Variants in KAZN observed in about 807,000 individuals in gnomAD.
The protein encoded by KAZN is kazrin.
KAZN carries 40 observed loss-of-function variants against 87.4 expected under a neutral mutation model. The ratio of observed to expected loss-of-function variants is 0.46; its 90% confidence interval spans 0.36 to 0.60. KAZN has a LOEUF of 0.60. KAZN is among the 20% of genes least tolerant of loss of function. The pLI is 0.00. For missense variants in KAZN, 898 were observed against 1,073.9 expected (o/e 0.84, Z 2.29); for synonymous variants, 466 against 458.3 (o/e 1.02, Z -0.22).
chr1:14,271,382 G>A (rs1651914750), intron 2 of KAZN, among the ~76,000 whole-genome samples: 1 of 152,214 alleles, frequency 6.6e-6, no homozygotes, highest in African/African-American at 2.4e-5. Flanking sequence ...CTGTGAAGAA[G>A]TCTCTTAGCT....
intron 1 of KAZN, among the ~76,000 whole-genome samples, chr1:14,007,368 G>A (rs906884029): frequency 5.9e-5 from 9 of 152,024 alleles, no homozygotes; most frequent in Non-Finnish European, 1.3e-4. Flanking sequence ...GTACTTTCAA[G>A]TACTATGTTG....
At chr1:14,502,275 C>G (rs1199290833) in intron 2 of KAZN, among the ~76,000 whole-genome samples, 1 of 152,118 alleles carries the variant, frequency 6.6e-6, no homozygotes, top group African/African-American at 2.4e-5. Context: ...TCTTTCCAGA[C>G]TGAAGAGTCT....
Position 15,066,315 on chromosome 1 carries a change from GTCT to G in KAZN, c.1222+563_1222+565del. 1 of 985,972 alleles carries G rather than the reference GTCT, an allele frequency of 1.0e-6. No homozygotes were observed. The highest frequency in any genetic ancestry group is 1.2e-6 in the Non-Finnish European group (1 of 830,372). The allele number at this position is 985,972 out of a possible 1,614,324, so 61.1% of individuals were successfully genotyped here. On this transcript the variant is annotated intron_variant, in intron 8 of 14. Coordinates refer to ENST00000376030, the MANE Select transcript of KAZN (RefSeq NM_201628.3). The surrounding 1 kb of genome is among the most constrained non-coding windows in gnomAD (Gnocchi z 4.3). ...TGGAGCCCGTCTGGCAGAGGATGTG[GTCT>G]GTTTTTGATGTCCCCCCTCCCGCCC...
chr1:14,884,133 C>T (rs1365594122), intron 1 of KAZN, among the ~76,000 whole-genome samples: 1 of 152,176 alleles, frequency 6.6e-6, no homozygotes, highest in Non-Finnish European at 1.5e-5. Context: ...GGGGCTCACA[C>T]CTGTAATCCC....
chr1:14,835,441 G>A (rs141132865), intron 1 of KAZN, among the ~76,000 whole-genome samples: 2 of 152,174 alleles, frequency 1.3e-5, no homozygotes, highest in African/African-American at 4.8e-5. Context: ...GGGGGTGGGG[G>A]CCGCAATCTG....
intron 1 of KAZN, among the ~76,000 whole-genome samples, chr1:14,652,791 G>T (rs976837309): frequency 1.3e-5 from 2 of 151,422 alleles, no homozygotes; most frequent in African/African-American, 4.9e-5. Flanking sequence ...TCATGCTTAT[G>T]TGCCAGGCCA....
chr1:14,998,277 C>T (rs1668103634), intron 2 of KAZN, among the ~76,000 whole-genome samples: 1 of 152,206 alleles, frequency 6.6e-6, no homozygotes, highest in Non-Finnish European at 1.5e-5. Context: ...GAATCCGCTG[C>T]AATATGGGAG....
intron 1 of KAZN, among the ~76,000 whole-genome samples, chr1:14,708,408 C>A (rs1385857530): frequency 6.6e-6 from 1 of 152,232 alleles, no homozygotes; most frequent in Non-Finnish European, 1.5e-5. Flanking sequence ...AAATCCCAGT[C>A]TCTTCAGCAC....
intron 3 of KAZN, among the ~76,000 whole-genome samples, chr1:15,039,716 A>G (rs999468671): frequency 1.3e-5 from 2 of 152,086 alleles, no homozygotes; most frequent in African/African-American, 4.8e-5. Context: ...CATCCATCTC[A>G]TATTTGGCAA....
At chr1:14,143,969 C>G (rs1645294148) in intron 1 of KAZN, among the ~76,000 whole-genome samples, 1 of 152,164 alleles carries the variant, frequency 6.6e-6, no homozygotes, top group African/African-American at 2.4e-5. Context: ...CCTCCTGTCT[C>G]AGCTTCTCAA....
rs189109775 is a variant in KAZN, at chr1:14,615,454, C to T, written c.226+16231C>T. The stretch of plus-strand genomic sequence containing the variant: ...ACCAGCCTGGCCAACATGGCAAAAC[C>T]CTGTCTCTACTAAAAATACAAAACT... On this transcript the variant is annotated intron_variant, in intron 1 of 14. Coordinates refer to ENST00000376030, the MANE Select transcript of KAZN (RefSeq NM_201628.3). Among the ~76,000 whole-genome samples the T allele has an allele frequency of 1.7e-3, 255 of 152,262 alleles. 2 individuals carry two copies. The highest frequency in any genetic ancestry group is 6.0e-3 in the African/African-American group (248 of 41,554).
chr1:14,952,038 G>A (rs1326561770), intron 1 of KAZN, among the ~76,000 whole-genome samples: 4 of 152,200 alleles, frequency 2.6e-5, no homozygotes, highest in Non-Finnish European at 5.9e-5. Context: ...GGGGACCACC[G>A]CAACCCTACA....
chr1:15,001,204 G>A lies in KAZN; in HGVS notation c.419-33545G>A, dbSNP rs7537138. ...TGCCTGGGCGTGGTGGTTCACGCCT[G>A]TAATCCCAGCACTTTGGGAGGCTGA... On this transcript the variant is annotated intron_variant, in intron 2 of 14. Coordinates refer to ENST00000376030, the MANE Select transcript of KAZN (RefSeq NM_201628.3). Among the ~76,000 whole-genome samples the A allele has an allele frequency of 2.7e-3, 416 of 152,018 alleles. 1 individual carries two copies. Among genetic ancestry groups the A allele is most frequent in the African/African-American group, 9.4e-3 (388 of 41,484 alleles).
chr1:13,923,186 A>G (rs1417821091), intron 1 of KAZN, among the ~76,000 whole-genome samples: 4 of 152,248 alleles, frequency 2.6e-5, no homozygotes, highest in African/African-American at 9.6e-5. Context: ...ACAATCAATT[A>G]GCACATATTT....
At chr1:14,023,864 T>C (rs916418879) in intron 1 of KAZN, among the ~76,000 whole-genome samples, 6 of 152,184 alleles carry the variant, frequency 3.9e-5, no homozygotes, top group African/African-American at 1.2e-4. Context: ...TGAAGAACTC[T>C]GACCAAAGTC....
chr1:14,825,443 C>T (rs959538339), intron 1 of KAZN, among the ~76,000 whole-genome samples: 14 of 152,040 alleles, frequency 9.2e-5, no homozygotes, highest in African/African-American at 3.4e-4. Flanking sequence ...TTCCTGCTTG[C>T]CGCGGGCCTG....
chr1:14,461,570 A>G (rs981841997), intron 2 of KAZN, among the ~76,000 whole-genome samples: 2 of 152,196 alleles, frequency 1.3e-5, no homozygotes, highest in African/African-American at 4.8e-5. Flanking sequence ...CAGCAGTGTG[A>G]AAACGGACTA....
chr1:14,399,917 T>A (rs567873022), intron 2 of KAZN, among the ~76,000 whole-genome samples: 1 of 152,324 alleles, frequency 6.6e-6, no homozygotes, highest in East Asian at 1.9e-4. Flanking sequence ...CATCTCATCA[T>A]TTCCCACATG....
intron 8 of KAZN, chr1:15,068,191 G>A (rs1440079352): frequency 1.0e-5 from 7 of 695,554 alleles, no homozygotes; most frequent in African/African-American, 5.9e-5. Context: ...ATTTGGCTCC[G>A]GGTGGGAGGC....
Sources: allele counts gnomAD v4.1 joint callset (sites outside exome capture counted in the v4.1 genomes callset), GRCh38; gene constraint gnomAD v4.1.1; non-coding constraint Gnocchi (gnomAD v3.1); transcripts MANE v1.5; gene names NCBI Gene and HGNC (gene_info 2026-07-23, HGNC 2026-07-21).